ZNRF3: variants seen among roughly 807,000 people sequenced by gnomAD.
ZNRF3 encodes E3 ubiquitin-protein ligase ZNRF3.
A neutral mutation model predicts 72.5 loss-of-function variants in ZNRF3; 23 were observed. The ratio of observed to expected loss-of-function variants is 0.32; its 90% CI spans 0.23 to 0.45. The LOEUF (loss-of-function observed/expected upper bound fraction) is 0.45, where lower values mean the gene tolerates loss of function less well. Among genes scored for constraint, ZNRF3 ranks in the 20% least tolerant of loss-of-function variants. The pLI, the probability that ZNRF3 is intolerant of heterozygous loss-of-function variation, is 1.00. For synonymous variants in ZNRF3, 610 were observed against 545.3 expected (o/e 1.12, Z -1.65); for missense variants, 1,169 against 1,272.1 (o/e 0.92, Z 1.23).
rs1345171529 is a variant in ZNRF3, at chr22:29,053,573, T to C, written c.2768-6T>C. On this transcript the variant is annotated splice_polypyrimidine_tract_variant and splice_region_variant and intron_variant, in intron 8 of 8. Coordinates refer to ENST00000544604, the MANE Select transcript of ZNRF3 (RefSeq NM_001206998.2). ...TCCCCTGATGATTGTTCTCTCTCTTTCCCAGGACCGAGATCTCACTCAGCA... is the reference window on the plus strand; with the variant it reads ...TCCCCTGATGATTGTTCTCTCTCTTCCCCAGGACCGAGATCTCACTCAGCA... 1.2e-6 allele frequency: 2 copies of C among 1,608,916 alleles called. No homozygotes were observed. The highest frequency in any genetic ancestry group is 1.7e-5 in the Admixed American group (1 of 59,536).
intron 1 of ZNRF3, among the ~76,000 whole-genome samples, chr22:28,962,339 T>G (rs2035376517): frequency 6.6e-6 from 1 of 152,210 alleles, no homozygotes; most frequent in Non-Finnish European, 1.5e-5. Flanking sequence ...ACTTGTAACT[T>G]CTGTGTAACC....
At chr22:28,947,775 C>T (rs1185259456) in intron 1 of ZNRF3, among the ~76,000 whole-genome samples, 1 of 152,178 alleles carries the variant, frequency 6.6e-6, no homozygotes, top group Admixed American at 6.5e-5. Context: ...AAGAGATTTG[C>T]CATCTGAGAA....
intron 1 of ZNRF3, among the ~76,000 whole-genome samples, chr22:28,948,342 T>A (rs556846595): frequency 5.1e-4 from 78 of 151,808 alleles, no homozygotes; most frequent in Middle Eastern, 6.8e-3. Context: ...TTAAAAAAAA[T>A]TTTTGTAGAG....
At chr22:28,977,303 C>T (rs2035693196) in intron 1 of ZNRF3, among the ~76,000 whole-genome samples, 1 of 152,130 alleles carries the variant, frequency 6.6e-6, no homozygotes. Flanking sequence ...TCACAGTTCC[C>T]TTCATTGCTA....
chr22:28,972,836 A>T (rs1367352622), intron 1 of ZNRF3, among the ~76,000 whole-genome samples: 2 of 152,232 alleles, frequency 1.3e-5, no homozygotes, highest in Non-Finnish European at 2.9e-5. Flanking sequence ...GATATTGAGC[A>T]TCTTTTAATG....
rs1164054556 is a variant in ZNRF3, at chr22:29,055,949, G to T, written c.*2327G>T. The T allele has an allele frequency of 6.6e-6, 1 of 152,158 alleles. No individual in the cohort carries two copies. The highest frequency in any genetic ancestry group is 1.5e-5 in the Non-Finnish European group (1 of 68,036). 9.4% of individuals were successfully genotyped at this position (152,158 alleles called of 1,614,324 possible). A position where few individuals can be genotyped will look rare whatever the true frequency, so the allele number is the denominator to read the frequency against. ...AATAAATAGATGAGTAGAGAATGTG[G>T]CTTCAACTGGGCTTATTAAAGTAAG... On this transcript the variant is annotated 3_prime_UTR_variant, in exon 9 of 9. Coordinates refer to ENST00000544604, the MANE Select transcript of ZNRF3 (RefSeq NM_001206998.2).
chr22:28,975,737 A>C (rs577568233), intron 1 of ZNRF3, among the ~76,000 whole-genome samples: 3 of 152,024 alleles, frequency 2.0e-5, no homozygotes, highest in Non-Finnish European at 4.4e-5. Flanking sequence ...ACTCTGTCTC[A>C]AGAAAAAAAA....
At chr22:28,928,377 G>A (rs2034640380) in intron 1 of ZNRF3, among the ~76,000 whole-genome samples, 1 of 151,264 alleles carries the variant, frequency 6.6e-6, no homozygotes, top group Admixed American at 6.6e-5. Flanking sequence ...TCACACCTTA[G>A]TACTCCAACA....
chr22:29,004,960 G>A (rs563517107), intron 2 of ZNRF3, among the ~76,000 whole-genome samples: 53 of 152,358 alleles, frequency 3.5e-4, no homozygotes, highest in African/African-American at 1.3e-3. Context: ...CTACCAGGGA[G>A]CCGCTCAGTT....
At chr22:28,986,910 C>A in intron 1 of ZNRF3, 166 bp from the exon 2 acceptor site, 1 of 885,854 alleles carries the variant, frequency 1.1e-6, no homozygotes, top group Non-Finnish European at 1.7e-6. Context: ...CAGTGCTCAG[C>A]TCATTGTGCT....
chr22:28,952,149 T>G (rs2035174738), intron 1 of ZNRF3, among the ~76,000 whole-genome samples: 3 of 152,262 alleles, frequency 2.0e-5, no homozygotes, highest in Non-Finnish European at 4.4e-5. Context: ...GATGGAATGC[T>G]CAGGGCCCCA....
chr22:29,050,104 T>A lies in ZNRF3; in HGVS notation c.1923T>A (p.Ala641=). 6.2e-7 allele frequency: 1 copy of A among 1,608,030 alleles called. No homozygotes were observed. The highest frequency in any genetic ancestry group is 8.5e-7 in the Non-Finnish European group (1 of 1,179,602). The change falls in exon 8 of 9, where the codon GCT becomes GCA. Residue 641 remains alanine, a synonymous_variant. Coordinates refer to ENST00000544604, the MANE Select transcript of ZNRF3 (RefSeq NM_001206998.2). ...TCCCGGCGGTGCACAGTCATGGTGC[T>A]GGGCGGGGCGAGCCTTGGCCGGGCC... ...EELPAVHSHG[A]GRGEPWPGPA...
intron 1 of ZNRF3, among the ~76,000 whole-genome samples, chr22:28,894,692 C>A (rs5762882): frequency 0.39 from 59,771 of 152,008 alleles, 12,944 homozygotes; most frequent in East Asian, 0.61. Flanking sequence ...TGAATCTGTC[C>A]TTGAATTCAT....
intron 2 of ZNRF3, among the ~76,000 whole-genome samples, chr22:28,995,327 A>G (rs2036028692): frequency 6.6e-6 from 1 of 152,072 alleles, no homozygotes; most frequent in South Asian, 2.1e-4. Flanking sequence ...CCAGCTACTC[A>G]GGAGGCTGAG....
chr22:28,970,643 C>T (rs2035555279), intron 1 of ZNRF3, among the ~76,000 whole-genome samples: 1 of 152,166 alleles, frequency 6.6e-6, no homozygotes, highest in South Asian at 2.1e-4. Flanking sequence ...AAAAGTGGTT[C>T]ACCCATACAG....
chr22:29,047,475 CTG>C (rs1569295510), intron 6 of ZNRF3, among the ~76,000 whole-genome samples: 7 of 152,298 alleles, frequency 4.6e-5, no homozygotes, highest in Admixed American at 3.9e-4. Context: ...GCTGCAGAGA[CTG>C]TTGGATGGAA....
chr22:28,952,514 C>T (rs1280266006), intron 1 of ZNRF3, among the ~76,000 whole-genome samples: 57 of 126,574 alleles, frequency 4.5e-4, no homozygotes, highest in African/African-American at 1.6e-3. Flanking sequence ...TTTTTTTTAA[C>T]CATTTTGTTT....
chr22:28,967,682 T>C (rs143786298), intron 1 of ZNRF3, among the ~76,000 whole-genome samples: 2,755 of 152,066 alleles, frequency 0.018, 44 homozygotes, highest in Non-Finnish European at 0.028. Flanking sequence ...ATCCCAGCAC[T>C]TTGGGAGGCT....
At chr22:28,971,933 C>T (rs2035582637) in intron 1 of ZNRF3, among the ~76,000 whole-genome samples, 1 of 152,132 alleles carries the variant, frequency 6.6e-6, no homozygotes, top group South Asian at 2.1e-4. Flanking sequence ...GTCTCAAACT[C>T]CTGGCTTCAA....
Sources: gnomAD v4.1 joint callset for allele counts (sites outside exome capture counted in the v4.1 genomes callset) on GRCh38, gnomAD v4.1.1 for gene constraint, MANE v1.5 for transcripts, NCBI Gene and HGNC (gene_info 2026-07-23, HGNC 2026-07-21) for gene names.